MDN1: variants seen among roughly 807,000 people sequenced by gnomAD.
MDN1 encodes the protein midasin AAA ATPase 1.
In MDN1, 266 loss-of-function variants were observed where a neutral mutation model predicts 669.2. The observed-to-expected ratio is 0.40, with a 90% CI of 0.36 to 0.44. The LOEUF (loss-of-function observed/expected upper bound fraction) is 0.44. Ranked by LOEUF, MDN1 falls within the 20% of genes least tolerant of loss-of-function variation. MDN1 has a pLI of 1.00. For missense variants in MDN1, 5,940 were observed against 6,754.0 expected, an observed-to-expected ratio of 0.88 and a Z score of 4.22; for synonymous variants, 2,385 against 2,457.1, an observed-to-expected ratio of 0.97 and a Z score of 0.87.
chr6:89,716,384 A>G (rs1814371640), intron 44 of MDN1, among the ~76,000 whole-genome samples: 1 of 152,258 alleles, frequency 6.6e-6, no homozygotes, highest in African/African-American at 2.4e-5. Flanking sequence ...GGCCTAACTC[A>G]AAGGACATTG....
rs34208137 is a variant in MDN1, at chr6:89,699,683, T to G, written c.8915A>C (p.His2972Pro). Residue 2972 changes from histidine to proline, a missense_variant, in exon 58 of 102, where the codon CAC becomes CCC. His to Pro is a moderately conservative substitution (Grantham distance 77, BLOSUM62 -2). This residue lies in a region of MDN1 where 2,292 missense variants were observed against 2,638.3 expected (regional missense o/e 0.87). Transcript: ENST00000369393. ...QQPQINEEIS[H>P]LISFCLYHTP... ...GTGATAAAGACAAAATGAGATGAGG[T>G]GACTTATCTCCTCATTTATCTGGGG... 6.0e-3 allele frequency: 9,602 copies of G among 1,613,412 alleles called. 40 individuals are homozygous for G. Among genetic ancestry groups the G allele is most frequent in the Non-Finnish European group, 7.0e-3 (8,209 of 1,179,434 alleles).
intron 12 of MDN1, among the ~76,000 whole-genome samples, chr6:89,775,304 G>A (rs970743338): frequency 1.3e-5 from 2 of 152,180 alleles, no homozygotes; most frequent in Non-Finnish European, 2.9e-5. Context: ...TTGGTGGAAT[G>A]AATATTCATG....
intron 38 of MDN1, 125 bp downstream of exon 38, chr6:89,725,074 C>T: frequency 1.2e-6 from 1 of 858,898 alleles, no homozygotes; most frequent in Non-Finnish European, 1.8e-6. Flanking sequence ...CATATAAGGA[C>T]AAGAAAGAGG....
At chr6:89,691,559 G>A (rs1200615492) in intron 63 of MDN1, among the ~76,000 whole-genome samples, 6 of 150,990 alleles carry the variant, frequency 4.0e-5, no homozygotes, top group Non-Finnish European at 7.4e-5. Flanking sequence ...TGTTTTTTTG[G>A]CAAAACAGTA....
intron 17 of MDN1, among the ~76,000 whole-genome samples, chr6:89,760,805 A>C (rs541431922): frequency 4.6e-5 from 7 of 152,316 alleles, no homozygotes; most frequent in Admixed American, 6.5e-5. Context: ...GAACTCAAAG[A>C]AGCAGCCAGC....
rs1808284961 is a variant in MDN1 at position 89,643,362 on chromosome 6, TCA to T, written c.*641_*642del. On this transcript the variant is annotated 3_prime_UTR_variant, in exon 102 of 102. Coordinates refer to ENST00000369393, the MANE Select transcript of MDN1 (RefSeq NM_014611.3). The stretch of plus-strand genomic sequence containing the variant: ...TGAAAGAGGATACTGAAAAGCCACT[TCA>T]TTTTTACACAGCCCAAGGATCGTTT... The T allele has an allele frequency of 1.3e-5, 2 of 152,178 alleles. No homozygotes were observed. The highest frequency in any genetic ancestry group is 2.9e-5 in the Non-Finnish European group (2 of 68,050). 9.4% of individuals were successfully genotyped at this position (152,178 alleles called of 1,614,324 possible).
At chr6:89,658,395 C>A (rs1809477788) in intron 89 of MDN1, 25 bp from the exon 90 acceptor site, 1 of 1,613,444 alleles carries the variant, frequency 6.2e-7, no homozygotes, top group African/African-American at 1.3e-5. Context: ...TCAAACACAG[C>A]ATTAAATGCT....
intron 22 of MDN1, 31 bp downstream of exon 22, chr6:89,753,481 G>T (rs758275572): frequency 3.3e-6 from 5 of 1,514,892 alleles, no homozygotes; most frequent in Admixed American, 1.8e-5. Context: ...CCTTTCAAGT[G>T]TAACAAGTCA....
At chr6:89,710,608 AGAT>A in intron 50 of MDN1, 70 bp downstream of exon 50, 1 of 805,808 alleles carries the variant, frequency 1.2e-6, no homozygotes, top group Non-Finnish European at 1.9e-6. Flanking sequence ...CTAACAGGTC[AGAT>A]CTTTTCCCCA....
intron 5 of MDN1, among the ~76,000 whole-genome samples, chr6:89,792,567 G>A (rs1157133878): frequency 3.9e-5 from 6 of 152,096 alleles, no homozygotes; most frequent in Non-Finnish European, 8.8e-5. Context: ...AAAACACAAA[G>A]AGCTTTGGAA....
At chr6:89,693,193 G>A (rs1490170588) in intron 62 of MDN1, 45 bp from the exon 63 acceptor site, 2 of 1,384,034 alleles carry the variant, frequency 1.4e-6, no homozygotes, top group Non-Finnish European at 2.0e-6. Flanking sequence ...CAGAAGAAGA[G>A]CAGCAAATCT....
chr6:89,780,201 C>A lies in MDN1; in HGVS notation c.1725+11G>T. ...AACCAAGACAAAAAAGACTGGAAAA[C>A]TATATCTTACCTCTTGAAAAATATT... On this transcript the variant is annotated intron_variant, in intron 11 of 101. Coordinates refer to ENST00000369393, the MANE Select transcript of MDN1 (RefSeq NM_014611.3). 1 of 1,492,474 alleles carries A rather than the reference C, an allele frequency of 6.7e-7. No homozygotes were observed. Among genetic ancestry groups the A allele is most frequent in the Non-Finnish European group, 9.0e-7 (1 of 1,107,250 alleles). The allele number at this position is 1,492,474 out of a possible 1,614,324, so 92.5% of individuals were successfully genotyped here.
At chr6:89,800,802 C>T (rs1377298746) in intron 2 of MDN1, among the ~76,000 whole-genome samples, 1 of 152,036 alleles carries the variant, frequency 6.6e-6, no homozygotes, top group Non-Finnish European at 1.5e-5. Context: ...TGATGAGATA[C>T]TCTTGTGGGA....
rs1202688059 is a variant in MDN1 at position 89,692,449 on chromosome 6, C to T, written c.10581G>A (p.Val3527=). 2 of 1,607,182 alleles carry T rather than the reference C, an allele frequency of 1.2e-6. No homozygotes were observed. Among genetic ancestry groups the T allele is most frequent in the South Asian group, 1.1e-5 (1 of 90,182 alleles). ...DQRALQLFRH[V]CQEIISEWDE... is the part of the protein sequence containing the mutation. ...CCTCCCAGAGATGGCTCACCTGACACACATGTCTGAAGAGCTGCAGGGCCC... is the reference window on the plus strand; with the variant it reads ...CCTCCCAGAGATGGCTCACCTGACATACATGTCTGAAGAGCTGCAGGGCCC... The change falls in exon 63 of 102, where the codon GTG becomes GTA. Residue 3527 remains valine, a synonymous_variant. Transcript: ENST00000369393.
intron 7 of MDN1, among the ~76,000 whole-genome samples, chr6:89,789,227 T>G (rs896583291): frequency 6.6e-6 from 1 of 152,164 alleles, no homozygotes; most frequent in African/African-American, 2.4e-5. Flanking sequence ...CTTTTCAGAA[T>G]ACAAAGGCAA....
intron 61 of MDN1, among the ~76,000 whole-genome samples, chr6:89,694,675 C>T (rs933424673): frequency 2.0e-5 from 3 of 151,708 alleles, no homozygotes. Flanking sequence ...TCGTGAGTAG[C>T]TGGTATTACA....
chr6:89,722,432 T>A (rs1432362122), intron 40 of MDN1, among the ~76,000 whole-genome samples: 2 of 152,210 alleles, frequency 1.3e-5, no homozygotes, highest in African/African-American at 4.8e-5. Flanking sequence ...AGGTATGTGA[T>A]CATGGGGATT....
chr6:89,644,319 C>A, intron 101 of MDN1, 126 bp from the exon 102 acceptor site: 1 of 695,822 alleles, frequency 1.4e-6, no homozygotes, highest in Non-Finnish European at 2.3e-6. Context: ...ATGAACCTAC[C>A]TTTTATTACT....
intron 90 of MDN1, among the ~76,000 whole-genome samples, chr6:89,657,107 C>T (rs762258973): frequency 5.3e-5 from 8 of 152,212 alleles, no homozygotes; most frequent in Non-Finnish European, 1.0e-4. Flanking sequence ...AACCAGGCTT[C>T]ATCATCAACC....
Sources: allele counts gnomAD v4.1 joint callset (sites outside exome capture counted in the v4.1 genomes callset), GRCh38; gene constraint gnomAD v4.1.1; regional missense constraint gnomAD v4.1.1; transcripts MANE v1.5; gene names NCBI Gene and HGNC (gene_info 2026-07-23, HGNC 2026-07-21).